TENM1: variants seen among roughly 807,000 people sequenced by gnomAD.
The protein encoded by TENM1 is teneurin-1.
Under a neutral mutation model 174.8 loss-of-function variants are expected in TENM1, and 35 were observed. The ratio of observed to expected loss-of-function variants is 0.20; its 90% CI spans 0.15 to 0.27. TENM1 has a LOEUF of 0.27. Among genes scored for constraint, TENM1 ranks in the 10% least tolerant of loss-of-function variants. The probability of loss-of-function intolerance (pLI) is 1.00; values close to 1 mark genes in which losing one functional copy is unlikely to be tolerated. For synonymous variants in TENM1, 781 were observed against 798.7 expected (o/e 0.98, Z 0.37); for missense variants, 1,633 against 2,130.1 (o/e 0.77, Z 4.59).
At chrX:124,763,372 C>A (rs746486939) in intron 3 of TENM1, among the ~76,000 whole-genome samples, 18 of 111,368 alleles carry the variant, frequency 1.6e-4, no homozygotes, top group Admixed American at 1.2e-3. Flanking sequence ...TTTCCTAGCC[C>A]AAGCCAGCTA....
intron 4 of TENM1, among the ~76,000 whole-genome samples, chrX:124,733,862 T>C (rs1278296974): frequency 3.6e-5 from 4 of 111,649 alleles, no homozygotes; most frequent in Non-Finnish European, 5.6e-5. Flanking sequence ...ACATTTCAAA[T>C]AAGAATAATT....
intron 3 of TENM1, among the ~76,000 whole-genome samples, chrX:124,739,869 G>C (rs2053760999): frequency 8.9e-6 from 1 of 112,281 alleles, no homozygotes; most frequent in Admixed American, 9.4e-5. Context: ...AAGAGGGTTT[G>C]ACTGGATCAT....
chrX:124,414,482 C>T (rs1353844438), intron 25 of TENM1, among the ~76,000 whole-genome samples: 2 of 110,260 alleles, frequency 1.8e-5, no homozygotes, highest in Non-Finnish European at 3.8e-5. Context: ...TAGGAGCCCA[C>T]CTGTGCCGCC....
the TENM1 span, among the ~76,000 whole-genome samples, chrX:125,014,544 A>G: frequency 2.7e-5 from 3 of 112,527 alleles, no homozygotes; most frequent in African/African-American, 9.7e-5. Flanking sequence ...AAACATTAAC[A>G]TAATTATGTT....
chrX:124,921,422 TTATAC>T (rs2058021038), intron 1 of TENM1, among the ~76,000 whole-genome samples: 1 of 111,425 alleles, frequency 9.0e-6, no homozygotes, highest in Non-Finnish European at 1.9e-5. Flanking sequence ...ATTTTATGTA[TTATAC>T]TATACTTGTT....
At chrX:124,913,924 A>G (rs906065444) in intron 1 of TENM1, among the ~76,000 whole-genome samples, 2 of 111,847 alleles carry the variant, frequency 1.8e-5, no homozygotes, top group African/African-American at 6.5e-5. Flanking sequence ...ACACTGTGCT[A>G]TACACTTTAC....
At chrX:124,727,450 G>C (rs775453034) in intron 4 of TENM1, among the ~76,000 whole-genome samples, 1 of 111,585 alleles carries the variant, frequency 9.0e-6, no homozygotes, top group African/African-American at 3.3e-5. Flanking sequence ...TTGAATTGGG[G>C]GACAGCAAAG....
intron 11 of TENM1, among the ~76,000 whole-genome samples, chrX:124,603,055 T>G (rs185706572): frequency 9.2e-6 from 1 of 108,536 alleles, no homozygotes. Flanking sequence ...ACTGGAGTTA[T>G]GTAGTCACAC....
At chrX:125,009,470 C>A in the TENM1 span, among the ~76,000 whole-genome samples, 2 of 111,590 alleles carry the variant, frequency 1.8e-5, no homozygotes, top group South Asian at 3.8e-4. Context: ...GGAGCTGGTA[C>A]CATTCCTTCT....
intron 22 of TENM1, among the ~76,000 whole-genome samples, chrX:124,464,886 T>C (rs1373643420): frequency 3.6e-5 from 4 of 112,093 alleles, no homozygotes; most frequent in Admixed American, 1.9e-4. Flanking sequence ...TGCTGGGATG[T>C]TTTGTTCAAA....
chrX:125,070,623 G>A, the TENM1 span, among the ~76,000 whole-genome samples: 121 of 111,581 alleles, frequency 1.1e-3, no homozygotes, highest in African/African-American at 3.7e-3. Flanking sequence ...CTATCAAGCC[G>A]TATGACCTTA....
At chrX:125,055,295 C>T in the TENM1 span, among the ~76,000 whole-genome samples, 1 of 111,516 alleles carries the variant, frequency 9.0e-6, no homozygotes, top group African/African-American at 3.3e-5. Context: ...CTTGCGGCTA[C>T]TAAGTGTCAG....
At chrX:124,471,299 T>A (rs868825875) in intron 22 of TENM1, among the ~76,000 whole-genome samples, 6 of 20,969 alleles carry the variant, frequency 2.9e-4, no homozygotes, top group African/African-American at 1.1e-3. Flanking sequence ...TACTATATAT[T>A]ATAATATATA....
chrX:124,492,402 A>T (rs60319185), intron 20 of TENM1, among the ~76,000 whole-genome samples: 6,315 of 111,485 alleles, frequency 0.057, 178 homozygotes, highest in African/African-American at 0.11. Context: ...TCTCTCCAGG[A>T]AGTTTAAATT....
the TENM1 span, among the ~76,000 whole-genome samples, chrX:125,051,234 G>C: frequency 1.2e-4 from 13 of 111,643 alleles, no homozygotes; most frequent in African/African-American, 3.6e-4. Context: ...ACGCTCATGG[G>C]TAGGAAGAAT....
At chrX:124,635,599 C>G (rs1412681125) in intron 11 of TENM1, among the ~76,000 whole-genome samples, 1 of 111,970 alleles carries the variant, frequency 8.9e-6, no homozygotes, top group African/African-American at 3.2e-5. Context: ...ATTTTGCTGT[C>G]AGTTATTTGC....
the TENM1 span, among the ~76,000 whole-genome samples, chrX:124,972,978 A>C: frequency 2.7e-5 from 3 of 112,362 alleles, no homozygotes; most frequent in African/African-American, 6.5e-5. Context: ...TGGACACTGG[A>C]AAGTCCAGGT....
the TENM1 span, among the ~76,000 whole-genome samples, chrX:125,012,769 G>A: frequency 9.0e-6 from 1 of 111,686 alleles, no homozygotes; most frequent in Non-Finnish European, 1.9e-5. Context: ...CTAATGGAAG[G>A]AAACATGAAA....
chrX:124,798,732 C>G (rs750299318), intron 3 of TENM1, among the ~76,000 whole-genome samples: 1 of 111,597 alleles, frequency 9.0e-6, no homozygotes, highest in African/African-American at 3.3e-5. Flanking sequence ...GTTGCAATTG[C>G]TTTTGGTGTT....
Sources: allele counts gnomAD v4.1 joint callset (sites outside exome capture counted in the v4.1 genomes callset), GRCh38; gene constraint gnomAD v4.1.1; transcripts MANE v1.5; gene names NCBI Gene and HGNC (gene_info 2026-07-23, HGNC 2026-07-21).